The following DNAH8 variants were observed in gnomAD, a reference collection of about 807,000 sequenced individuals.
The protein encoded by DNAH8 is axonemal beta dynein heavy chain 8.
Under a neutral mutation model 562.1 loss-of-function variants are expected in DNAH8, and 382 were observed. That is an observed-to-expected ratio of 0.68 (90% CI 0.63 to 0.74). The LOEUF (loss-of-function observed/expected upper bound fraction) is 0.74, where lower values mean the gene tolerates loss of function less well. DNAH8 is among the 30% of genes least tolerant of loss of function. DNAH8 has a pLI of 0.00. For missense variants in DNAH8, 5,203 were observed against 5,620.4 expected (o/e 0.93, Z 2.37); for synonymous variants, 1,881 against 1,919.4 (o/e 0.98, Z 0.52).
intron 16 of DNAH8, 90 bp downstream of exon 16, chr6:38,781,463 G>T: frequency 7.0e-7 from 1 of 1,437,316 alleles, no homozygotes; most frequent in African/African-American, 1.4e-5. Context: ...GTGCATTAAA[G>T]TAGCCAACAA....
chr6:38,911,815 C>T (rs1347818585), intron 66 of DNAH8, among the ~76,000 whole-genome samples: 1 of 152,180 alleles, frequency 6.6e-6, no homozygotes, highest in Non-Finnish European at 1.5e-5. Flanking sequence ...TTTCTCCTGG[C>T]TCTTTCAACT....
chr6:38,995,360 G>A (rs1294649824), intron 88 of DNAH8, among the ~76,000 whole-genome samples: 1 of 152,124 alleles, frequency 6.6e-6, no homozygotes, highest in Non-Finnish European at 1.5e-5. Flanking sequence ...AATAAGAATG[G>A]CCTGGAGTTT....
chr6:38,857,480 A>G, intron 41 of DNAH8, 38 bp from the exon 42 acceptor site: 2 of 1,442,714 alleles, frequency 1.4e-6, no homozygotes, highest in Non-Finnish European at 1.9e-6. Flanking sequence ...TGCTTTAAAT[A>G]TTTGGCAAAT....
intron 82 of DNAH8, among the ~76,000 whole-genome samples, chr6:38,962,024 T>A (rs1381128344): frequency 2.6e-5 from 4 of 152,004 alleles, no homozygotes; most frequent in African/African-American, 9.7e-5. Flanking sequence ...AATGATGCTT[T>A]CTTGTAAAAT....
chr6:38,728,290 AT>A (rs1763390265), intron 3 of DNAH8, among the ~76,000 whole-genome samples: 1 of 140,046 alleles, frequency 7.1e-6, no homozygotes, highest in Non-Finnish European at 1.6e-5. Context: ...TTTTACCTTA[AT>A]TTTCTCTTCT....
At chr6:38,785,628 C>T (rs546529781) in intron 17 of DNAH8, among the ~76,000 whole-genome samples, 15 of 152,166 alleles carry the variant, frequency 9.9e-5, no homozygotes, top group African/African-American at 3.6e-4. Flanking sequence ...ACTTTCCCTC[C>T]CCTTGCTCCC....
intron 85 of DNAH8, among the ~76,000 whole-genome samples, chr6:38,979,966 C>A (rs1763919763): frequency 6.6e-6 from 1 of 152,236 alleles, no homozygotes; most frequent in Non-Finnish European, 1.5e-5. Context: ...TCAAAGTCCT[C>A]AAGATGGAAG....
At chr6:38,901,544 A>G (rs539068202) in intron 62 of DNAH8, among the ~76,000 whole-genome samples, 1 of 152,246 alleles carries the variant, frequency 6.6e-6, no homozygotes, top group East Asian at 1.9e-4. Context: ...CTATCTTTGT[A>G]TCATTACCTA....
intron 88 of DNAH8, among the ~76,000 whole-genome samples, chr6:38,993,442 G>GC (rs1554158320): frequency 1.3e-5 from 2 of 151,758 alleles, no homozygotes; most frequent in East Asian, 1.9e-4. Context: ...ACATTTAAGG[G>GC]TTTTTTTCCC....
rs1428353089 is a variant in DNAH8 at position 38,785,773 on chromosome 6, A to G, written c.2396-992A>G. Among the ~76,000 whole-genome samples, 26 of 152,174 alleles carry G rather than the reference A, an allele frequency of 1.7e-4. 1 individual carries two copies. Among genetic ancestry groups the G allele is most frequent in the Admixed American group, 1.7e-3 (26 of 15,282 alleles). On this transcript the variant is annotated intron_variant, in intron 17 of 92. Coordinates refer to ENST00000327475, the MANE Select transcript of DNAH8 (RefSeq NM_001206927.2). ...GGATAAGTGATTTCTAATCCATCTT[A>G]AAAAGATTCTAAGCGAGTTGGATAA... is the stretch of plus-strand genomic sequence containing the variant.
At chr6:38,925,926 A>T in intron 73 of DNAH8, 129 bp from the exon 74 acceptor site, 1 of 851,488 alleles carries the variant, frequency 1.2e-6, no homozygotes, top group Non-Finnish European at 1.7e-6. Context: ...TTTTCGAAGT[A>T]CAAGTTGCAT....
chr6:38,982,354 A>G lies in DNAH8; in HGVS notation c.12843A>G (p.Arg4281=), dbSNP rs184252142. The G allele has an allele frequency of 1.0e-5, 16 of 1,584,502 alleles. No homozygotes were observed. The Admixed American group carries it at 1.8e-4, about 18-fold the overall frequency. Residue 4281 remains arginine (R), a synonymous_variant, in exon 86 of 93, where the codon CGA becomes CGG. Transcript: ENST00000327475. ...TCTTTGGTGTTTTTAAGGAGCGACGAAAATTTGGCCCCTTAGGATGGAATA... is the reference window on the plus strand; with the variant it reads ...TCTTTGGTGTTTTTAAGGAGCGACGGAAATTTGGCCCCTTAGGATGGAATA... The part of the protein sequence containing the change: ...AFLHSTVQER[R]KFGPLGWNIP...
intron 70 of DNAH8, among the ~76,000 whole-genome samples, chr6:38,921,073 G>A (rs1423084562): frequency 2.0e-5 from 3 of 151,992 alleles, no homozygotes; most frequent in Admixed American, 1.3e-4. Context: ...CTATTTTTCT[G>A]TAGAAACAAG....
At chr6:38,983,387 C>T (rs1479342229) in intron 86 of DNAH8, among the ~76,000 whole-genome samples, 3 of 152,080 alleles carry the variant, frequency 2.0e-5, no homozygotes, top group South Asian at 2.1e-4. Context: ...AGTACCAAAC[C>T]GTCATTTTTC....
Position 38,842,571 on chromosome 6 carries a change from A to G in DNAH8, c.4604+66A>G. Reference sequence around the variant, plus strand: ...GGATCCTATAGGTATTTCAGAAGCTAATTTATTCCCTAATATAATAGTGTA... The same window carrying G: ...GGATCCTATAGGTATTTCAGAAGCTGATTTATTCCCTAATATAATAGTGTA... On this transcript the variant is annotated intron_variant, in intron 34 of 92. Coordinates refer to ENST00000327475, the MANE Select transcript of DNAH8 (RefSeq NM_001206927.2). The G allele has an allele frequency of 1.9e-6, 3 of 1,579,856 alleles. No individual in the cohort carries two copies. The Admixed American group carries it at 5.5e-5, about 29-fold the overall frequency.
At chr6:38,929,028 G>A (rs1210293830) in intron 74 of DNAH8, among the ~76,000 whole-genome samples, 1 of 152,158 alleles carries the variant, frequency 6.6e-6, no homozygotes, top group East Asian at 1.9e-4. Flanking sequence ...AGTGCCAATA[G>A]GAGACAGAAT....
At chr6:38,737,738 A>G (rs1764207917) in intron 6 of DNAH8, 71 bp from the exon 7 acceptor site, 1 of 671,340 alleles carries the variant, frequency 1.5e-6, no homozygotes, top group Non-Finnish European at 2.0e-6. Flanking sequence ...ATATTATTTA[A>G]TATTTTTATT....
intron 15 of DNAH8, 58 bp from the exon 16 acceptor site, chr6:38,781,195 AT>A: frequency 3.8e-6 from 6 of 1,574,292 alleles, no homozygotes; most frequent in South Asian, 2.2e-5. Flanking sequence ...AGCTGTATAT[AT>A]TTTTTGCCTT....
At position 38,922,524 on chromosome 6, in the gene DNAH8, A is replaced by T. The variant is rs995356115; in HGVS notation, c.10663-534A>T. The stretch of plus-strand genomic sequence containing the variant: ...TTGTTATTTATTACTTTTGCTTTTA[A>T]TATAATTTTTTAATTGTAAGCTTAC... On this transcript the variant is annotated intron_variant, in intron 71 of 92. Coordinates refer to ENST00000327475, the MANE Select transcript of DNAH8 (RefSeq NM_001206927.2). 2.1e-4 allele frequency among the ~76,000 whole-genome samples: 32 copies of T among 152,164 alleles called. 1 individual carries two copies. Among genetic ancestry groups the T allele is most frequent in the Admixed American group, 6.6e-5 (1 of 15,262 alleles).
Sources: gnomAD v4.1 joint callset for allele counts (sites outside exome capture counted in the v4.1 genomes callset) on GRCh38, gnomAD v4.1.1 for gene constraint, MANE v1.5 for transcripts, NCBI Gene and HGNC (gene_info 2026-07-23, HGNC 2026-07-21) for gene names.